Variants in AFF3 observed in about 807,000 individuals in gnomAD.
AFF3 encodes the protein ALF transcription elongation factor 3, also known as AF4/FMR2 family member 3.
AFF3 carries 32 observed loss-of-function variants against 129.7 expected under a neutral mutation model. The observed-to-expected ratio is 0.25, with a 90% confidence interval of 0.19 to 0.33. AFF3 has a LOEUF of 0.33. Ranked by LOEUF, AFF3 falls within the 10% of genes least tolerant of loss-of-function variation. The pLI is 1.00. For missense variants in AFF3, 1,373 were observed against 1,592.0 expected (o/e 0.86, Z 2.34); for synonymous variants, 644 against 635.4 (o/e 1.01, Z -0.20).
chr2:99,771,406 T>TGAA (rs1683472207), intron 8 of AFF3, among the ~76,000 whole-genome samples: 1 of 65,982 alleles, frequency 1.5e-5, no homozygotes, highest in Non-Finnish European at 2.8e-5. Flanking sequence ...ACTTAAAAAA[T>TGAA]GAAGAAGAAA....
intron 13 of AFF3, among the ~76,000 whole-genome samples, chr2:99,637,433 C>A (rs1314687362): frequency 2.0e-5 from 3 of 152,178 alleles, no homozygotes; most frequent in Admixed American, 1.3e-4. Context: ...TTTTTTGAAT[C>A]TTTTTTTCTC....
intron 4 of AFF3, among the ~76,000 whole-genome samples, chr2:100,042,643 A>C (rs888792898): frequency 2.6e-5 from 4 of 152,218 alleles, no homozygotes; most frequent in Non-Finnish European, 5.9e-5. Flanking sequence ...AATTATGATT[A>C]AGTAATCAAA....
At chr2:99,775,270 G>GTACT (rs1683805714) in intron 8 of AFF3, among the ~76,000 whole-genome samples, 1 of 151,798 alleles carries the variant, frequency 6.6e-6, no homozygotes, top group African/African-American at 2.4e-5. Flanking sequence ...TTCTATTGTA[G>GTACT]TGCTATTAGC....
chr2:100,115,815 T>C (rs1025742716), intron 2 of AFF3, among the ~76,000 whole-genome samples: 1 of 152,196 alleles, frequency 6.6e-6, no homozygotes, highest in South Asian at 2.1e-4. Flanking sequence ...TCTGGAAATA[T>C]CAATTTTATG....
chr2:99,962,872 A>G (rs943713381), intron 7 of AFF3, among the ~76,000 whole-genome samples: 4 of 148,096 alleles, frequency 2.7e-5, no homozygotes, highest in Non-Finnish European at 4.5e-5. Flanking sequence ...TAATAATAAT[A>G]ATAATAATAA....
intron 7 of AFF3, among the ~76,000 whole-genome samples, chr2:99,875,887 G>A (rs138976126): frequency 3.7e-4 from 57 of 152,206 alleles, no homozygotes; most frequent in African/African-American, 1.3e-3. Flanking sequence ...CCGTCCCTGC[G>A]AAGGCCATTC....
Position 99,793,256 on chromosome 2 carries a change from C to T in AFF3, c.922-40955G>A, listed in dbSNP as rs111678249. Among the ~76,000 whole-genome samples the T allele has an allele frequency of 6.0e-3, 909 of 152,326 alleles. 7 individuals are homozygous for T. The highest frequency in any genetic ancestry group is 0.021 in the African/African-American group (873 of 41,564). On this transcript the variant is annotated intron_variant, in intron 8 of 24. Transcript: ENST00000672756. ...CAATGTGACACGCCTGCTCCCCTTT[C>T]GCCTTCCATCCTGACTATAAGCTTC...
chr2:99,723,303 A>T (rs966765490), intron 11 of AFF3, among the ~76,000 whole-genome samples: 2 of 152,330 alleles, frequency 1.3e-5, no homozygotes, highest in Admixed American at 6.5e-5. Context: ...ACCAATCATG[A>T]TCGATCTCCC....
intron 8 of AFF3, among the ~76,000 whole-genome samples, chr2:99,804,635 CAT>C (rs1435364789): frequency 2.0e-5 from 3 of 152,146 alleles, no homozygotes; most frequent in Non-Finnish European, 2.9e-5. Context: ...CATCTGCACA[CAT>C]GTTTATCGCA....
chr2:100,007,346 T>C lies in AFF3; in HGVS notation c.289A>G (p.Lys97Glu), dbSNP rs917787658. 1 of 1,614,170 alleles carries C rather than the reference T, an allele frequency of 6.2e-7. No individual in the cohort carries two copies. The highest frequency in any genetic ancestry group is 1.6e-4 in the Middle Eastern group (1 of 6,062). The change falls in exon 6 of 25, where the codon AAA becomes GAA. Residue 97 changes from lysine to glutamate, a missense_variant. By Grantham distance (56) the Lys-to-Glu change is moderately conservative (BLOSUM62 1). Coordinates refer to ENST00000672756, the MANE Select transcript of AFF3 (RefSeq NM_001386135.1). ...SNQSHLVGVP[K>E]PGVPQTPVNK... ...ACAGGAGTCTGAGGAACCCCAGGTT[T>C]GGGAACTCCAACGAGATGACTCTGA...
intron 8 of AFF3, among the ~76,000 whole-genome samples, chr2:99,826,894 A>G (rs1285535433): frequency 6.6e-6 from 1 of 152,132 alleles, no homozygotes; most frequent in Non-Finnish European, 1.5e-5. Context: ...CTCTGGAGTC[A>G]TGTAGGAAAA....
chr2:99,684,610 A>G (rs1182434632), intron 11 of AFF3, among the ~76,000 whole-genome samples: 1 of 150,510 alleles, frequency 6.6e-6, no homozygotes, highest in Non-Finnish European at 1.5e-5. Context: ...ATTTCCATGA[A>G]TTCATTTTTT....
intron 13 of AFF3, among the ~76,000 whole-genome samples, chr2:99,605,475 A>G (rs1176648248): frequency 6.6e-6 from 1 of 152,034 alleles, no homozygotes; most frequent in Non-Finnish European, 1.5e-5. Flanking sequence ...CACAAAGGCA[A>G]CTCCTCTAAC....
At chr2:100,020,290 TCA>T (rs1683481557) in intron 4 of AFF3, among the ~76,000 whole-genome samples, 1 of 151,994 alleles carries the variant, frequency 6.6e-6, no homozygotes, top group Non-Finnish European at 1.5e-5. Flanking sequence ...TGGCTGCTCC[TCA>T]GTCTGCTTGC....
intron 8 of AFF3, among the ~76,000 whole-genome samples, chr2:99,762,043 T>A (rs1682649818): frequency 6.6e-6 from 1 of 152,012 alleles, no homozygotes; most frequent in Non-Finnish European, 1.5e-5. Flanking sequence ...GCATTCTTTC[T>A]CATCCTGGCC....
intron 7 of AFF3, among the ~76,000 whole-genome samples, chr2:99,942,737 G>C (rs1675175965): frequency 6.6e-6 from 1 of 152,020 alleles, no homozygotes; most frequent in African/African-American, 2.4e-5. Flanking sequence ...AGTTTCCCAA[G>C]TTGCCCTTGA....
At chr2:99,594,942 T>C (rs1679138763) in intron 14 of AFF3, among the ~76,000 whole-genome samples, 1 of 152,212 alleles carries the variant, frequency 6.6e-6, no homozygotes, top group Non-Finnish European at 1.5e-5. Context: ...GCTAGAAATA[T>C]TTCAAACATG....
At chr2:99,991,887 A>T (rs1400388994) in intron 7 of AFF3, among the ~76,000 whole-genome samples, 1 of 151,796 alleles carries the variant, frequency 6.6e-6, no homozygotes, top group African/African-American at 2.4e-5. Flanking sequence ...TGGGCAACAG[A>T]GCAAGATTTT....
chr2:99,635,688 A>C (rs185145014), intron 13 of AFF3, among the ~76,000 whole-genome samples: 90 of 152,254 alleles, frequency 5.9e-4, no homozygotes, highest in Admixed American at 1.8e-3. Flanking sequence ...CTCCCTGCTG[A>C]AGGCCACAAT....
Sources: allele counts gnomAD v4.1 joint callset (sites outside exome capture counted in the v4.1 genomes callset), GRCh38; gene constraint gnomAD v4.1.1; transcripts MANE v1.5; gene names NCBI Gene and HGNC (gene_info 2026-07-23, HGNC 2026-07-21).